Variants in BTBD10 observed in about 807,000 individuals in gnomAD.
BTBD10 encodes BTB domain containing 10, also known as BTB/POZ domain-containing protein 10.
In BTBD10, 21 loss-of-function variants were observed where a neutral mutation model predicts 53.2. That is an observed-to-expected ratio of 0.39 (90% CI 0.28 to 0.57). The LOEUF is 0.57. Among genes scored for constraint, BTBD10 ranks in the 20% least tolerant of loss-of-function variants. BTBD10 has a pLI of 0.53. For missense variants in BTBD10, 360 were observed against 594.7 expected (o/e 0.61, Z 4.10); for synonymous variants, 149 against 192.7 (o/e 0.77, Z 1.88).
At chr11:13,397,053 C>T (rs1020508999) in intron 8 of BTBD10, among the ~76,000 whole-genome samples, 2 of 152,150 alleles carry the variant, frequency 1.3e-5, no homozygotes, top group Admixed American at 1.3e-4. Flanking sequence ...ATGCTGGCCT[C>T]ATAAAATGAG....
intron 5 of BTBD10, among the ~76,000 whole-genome samples, chr11:13,413,922 GT>G (rs1950025769): frequency 6.6e-6 from 1 of 152,176 alleles, no homozygotes. Flanking sequence ...AGGGCTCCCT[GT>G]TACCTAATTC....
At chr11:13,390,440 T>C (rs1229638341) in intron 8 of BTBD10, among the ~76,000 whole-genome samples, 1 of 151,586 alleles carries the variant, frequency 6.6e-6, no homozygotes, top group Non-Finnish European at 1.5e-5. Flanking sequence ...GTCTTCCGGG[T>C]TCAAGAGATT....
At position 13,388,338 on chromosome 11, in the gene BTBD10, C is replaced by CAAACT. The variant is rs1344793232; in HGVS notation, c.*488_*492dup. On this transcript the variant is annotated 3_prime_UTR_variant, in exon 9 of 9. Transcript: ENST00000278174. Reference sequence around the variant, plus strand: ...AATACTTTTTGCTCATCAAGGGCAGCAAACTATACAAATTGTACTGGAGGA... The same window carrying CAAACT: ...AATACTTTTTGCTCATCAAGGGCAGCAAACTAAACTATACAAATTGTACTGGAGGA... 2 of 154,750 alleles carry CAAACT rather than the reference C, an allele frequency of 1.3e-5. No homozygotes were observed. The highest frequency in any genetic ancestry group is 4.8e-5 in the African/African-American group (2 of 41,586). The allele number at this position is 154,750 out of a possible 1,614,324, so 9.6% of individuals were successfully genotyped here.
chr11:13,446,774 AAT>A (rs1397267470), intron 1 of BTBD10, among the ~76,000 whole-genome samples: 3 of 152,172 alleles, frequency 2.0e-5, no homozygotes, highest in Non-Finnish European at 2.9e-5. Context: ...TGAACATAAA[AAT>A]ATGTCAATGT....
In BTBD10 at chr11:13,437,623, A is replaced by G. The variant is rs965638957; in HGVS notation, c.101+7401T>C. 3.3e-5 allele frequency among the ~76,000 whole-genome samples: 5 copies of G among 152,220 alleles called. No homozygotes were observed. The East Asian group carries it at 5.8e-4, about 18-fold the overall frequency. On this transcript the variant is annotated intron_variant, in intron 2 of 8. Coordinates refer to ENST00000278174, the MANE Select transcript of BTBD10 (RefSeq NM_032320.7). ...TATCAAAATGACTTTACCAAAAGCT[A>G]AGCTTAAGTCCAAATATATTATAGC... is the stretch of plus-strand genomic sequence containing the variant.
chr11:13,413,351 G>A (rs370351252), intron 6 of BTBD10, among the ~76,000 whole-genome samples, 179 bp downstream of exon 6: 1 of 152,160 alleles, frequency 6.6e-6, no homozygotes, highest in East Asian at 1.9e-4. Flanking sequence ...TTGGAAAATT[G>A]CACAAGGAGA....
intron 2 of BTBD10, among the ~76,000 whole-genome samples, chr11:13,442,905 G>A (rs1950684692): frequency 1.3e-5 from 2 of 152,056 alleles, no homozygotes; most frequent in Admixed American, 1.3e-4. Context: ...AAGCATATGG[G>A]ACAGGAGGTC....
intron 4 of BTBD10, among the ~76,000 whole-genome samples, 162 bp from the exon 5 acceptor site, chr11:13,417,422 A>T (rs2135815582): frequency 6.6e-6 from 1 of 152,354 alleles, no homozygotes; most frequent in South Asian, 2.1e-4. Context: ...AAAGAATATT[A>T]AAAACATTTT....
intron 8 of BTBD10, 23 bp from the exon 9 acceptor site, chr11:13,389,164 A>G (rs769163052): frequency 1.3e-6 from 2 of 1,591,028 alleles, no homozygotes; most frequent in Non-Finnish European, 1.7e-6. Context: ...AAGATTTTAA[A>G]AACTGAGGAG....
intron 2 of BTBD10, chr11:13,439,815 T>C (rs1466026496): frequency 1.6e-6 from 2 of 1,279,200 alleles, no homozygotes; most frequent in African/African-American, 1.5e-5. Flanking sequence ...TCCCTCTCAA[T>C]CTTTCTTTCA....
At chr11:13,440,256 G>A (rs981380405) in intron 2 of BTBD10, 3 of 1,231,750 alleles carry the variant, frequency 2.4e-6, no homozygotes, top group South Asian at 3.4e-5. Context: ...CAGCACTGAC[G>A]TTTCTAACAA....
intron 5 of BTBD10, 106 bp from the exon 6 acceptor site, chr11:13,413,756 C>CT: frequency 9.6e-7 from 1 of 1,046,708 alleles, no homozygotes; most frequent in South Asian, 2.3e-5. Flanking sequence ...GTAGAGAACT[C>CT]TGACATCTCT....
rs3046409 is a variant in BTBD10 at position 13,430,974 on chromosome 11, TACAC to T, written c.102-9140_102-9137del. Among the ~76,000 whole-genome samples, 74 of 144,490 alleles carry T rather than the reference TACAC, an allele frequency of 5.1e-4. No individual in the cohort carries two copies. The East Asian group carries it at 0.011, about 22-fold the overall frequency. The allele number at this position is 144,490 out of a possible 152,430, so 94.8% of individuals were successfully genotyped here. A position where few individuals can be genotyped will look rare whatever the true frequency, so the allele number is the denominator to read the frequency against. On this transcript the variant is annotated intron_variant, in intron 2 of 8. Transcript: ENST00000278174. ...TATGGTAAGGTTTTATGGAGATACA[TACAC>T]ACACACACACACACACACACACACA...
chr11:13,427,326 A>G (rs1950359911), intron 2 of BTBD10, among the ~76,000 whole-genome samples: 1 of 152,204 alleles, frequency 6.6e-6, no homozygotes, highest in Admixed American at 6.5e-5. Flanking sequence ...TAGTTCAAAG[A>G]AAGCAAGAGT....
chr11:13,413,448 G>A, intron 6 of BTBD10, 82 bp downstream of exon 6: 1 of 1,229,410 alleles, frequency 8.1e-7, no homozygotes, highest in South Asian at 1.9e-5. Context: ...AGTCTAACTA[G>A]GTAAATAGCA....
intron 1 of BTBD10, among the ~76,000 whole-genome samples, chr11:13,450,874 G>C (rs1311694263): frequency 6.6e-5 from 10 of 152,206 alleles, no homozygotes. Context: ...GCACTTGAAA[G>C]TGTCCAAAAG....
Position 13,433,177 on chromosome 11 carries a change from T to C in BTBD10, c.102-11339A>G, listed in dbSNP as rs530450522. On this transcript the variant is annotated intron_variant, in intron 2 of 8. Coordinates refer to ENST00000278174, the MANE Select transcript of BTBD10 (RefSeq NM_032320.7). ...CTCTCTCTGACCTTCACCTGCCCTC[T>C]TTTCATGGCTCCTTTTTCTCTCCAA... Among the ~76,000 whole-genome samples, 11 of 152,320 alleles carry C rather than the reference T, an allele frequency of 7.2e-5. No individual in the cohort carries two copies. The South Asian group carries it at 2.3e-3, about 32-fold the overall frequency.
At chr11:13,419,015 A>T (rs1950186634) in intron 4 of BTBD10, among the ~76,000 whole-genome samples, 1 of 147,676 alleles carries the variant, frequency 6.8e-6, no homozygotes, top group Non-Finnish European at 1.5e-5. Context: ...TCGAACTGAC[A>T]ATTCATGCTG....
intron 1 of BTBD10, among the ~76,000 whole-genome samples, chr11:13,460,813 C>T (rs936515221): frequency 6.6e-6 from 1 of 152,172 alleles, no homozygotes; most frequent in Admixed American, 6.5e-5. Context: ...AAACAATAAA[C>T]ATTCAAATCC....
Sources: allele counts gnomAD v4.1 joint callset (sites outside exome capture counted in the v4.1 genomes callset), GRCh38; gene constraint gnomAD v4.1.1; transcripts MANE v1.5; gene names NCBI Gene and HGNC (gene_info 2026-07-23, HGNC 2026-07-21).